Variants in SLC12A7 observed in about 807,000 individuals in gnomAD.
SLC12A7 encodes solute carrier family 12 member 7.
SLC12A7 carries 100 observed loss-of-function variants against 120.6 expected under a neutral mutation model. The observed-to-expected ratio is 0.83, with a 90% CI of 0.71 to 0.98. SLC12A7 has a LOEUF of 0.98. Among genes scored for constraint, SLC12A7 ranks in the 50% least tolerant of loss-of-function variants. The pLI is 0.00. For missense variants in SLC12A7, 1,373 were observed against 1,548.1 expected (o/e 0.89, Z 1.90); for synonymous variants, 760 against 678.0 (o/e 1.12, Z -1.88).
At chr5:1,118,941 C>T in the SLC12A7 span, among the ~76,000 whole-genome samples, 1 of 152,160 alleles carries the variant, frequency 6.6e-6, no homozygotes, top group Non-Finnish European at 1.5e-5. Flanking sequence ...GGGAGGGGCT[C>T]ACAACCCACA....
the SLC12A7 span, among the ~76,000 whole-genome samples, chr5:1,148,865 T>G: frequency 6.6e-5 from 10 of 152,232 alleles, no homozygotes; most frequent in Non-Finnish European, 1.3e-4. Flanking sequence ...CCTTAAAGTT[T>G]CAGTTTGATG....
chr5:1,112,585 G>A (rs1426850505), upstream of SLC12A7, among the ~76,000 whole-genome samples: 2 of 5,174 alleles, frequency 3.9e-4, no homozygotes, highest in Admixed American at 2.4e-3. Flanking sequence ...GCCCCCTCCC[G>A]CACCCCCTCC....
Position 1,074,657 on chromosome 5 carries a change from C to T in SLC12A7, c.1982G>A (p.Trp661Ter). ...YIEYRGAEKEWGDGIRGLSLN... is the reference protein window; with the variant it reads ...YIEYRGAEKE ...GGATAGGCCACGGATGCCATCGCCC[C>T]ACTCCTTCTCGGCCCTGTGGGAAAG... The change falls in exon 16 of 24, where the codon TGG (tryptophan) becomes TAG (stop). Residue 661 changes from tryptophan (W) to a stop codon, truncating the protein, a stop_gained. Coordinates refer to ENST00000264930, the MANE Select transcript of SLC12A7 (RefSeq NM_006598.3). LOFTEE classifies it high-confidence loss of function. 5 of 1,612,700 alleles carry T rather than the reference C, an allele frequency of 3.1e-6. No individual in the cohort carries two copies. Among genetic ancestry groups the T allele is most frequent in the Non-Finnish European group, 3.4e-6 (4 of 1,179,892 alleles).
chr5:1,061,428 T>C (rs1248631956), intron 20 of SLC12A7, among the ~76,000 whole-genome samples: 1 of 66,404 alleles, frequency 1.5e-5, no homozygotes, highest in African/African-American at 4.5e-5. Flanking sequence ...GACCCCTGCG[T>C]CTCACCCACC....
At chr5:1,139,746 GCCCC>G in the SLC12A7 span, among the ~76,000 whole-genome samples, 7 of 152,328 alleles carry the variant, frequency 4.6e-5, no homozygotes, top group Admixed American at 1.3e-4. Flanking sequence ...CTCCCGGCAG[GCCCC>G]GTGTCTTTGG....
At chr5:1,075,592 G>T in intron 14 of SLC12A7, 102 bp from the exon 15 acceptor site, 1 of 1,454,102 alleles carries the variant, frequency 6.9e-7, no homozygotes, top group Non-Finnish European at 9.2e-7. Context: ...AAAACTCTCT[G>T]TTAACACTAG....
At chr5:1,132,670 A>G in the SLC12A7 span, among the ~76,000 whole-genome samples, 3 of 152,006 alleles carry the variant, frequency 2.0e-5, no homozygotes, top group Non-Finnish European at 2.9e-5. Flanking sequence ...CAGCTTCCTG[A>G]GATCATCCTA....
intron 1 of SLC12A7, among the ~76,000 whole-genome samples, chr5:1,109,795 T>C (rs1481592524): frequency 6.6e-6 from 1 of 152,190 alleles, no homozygotes; most frequent in Non-Finnish European, 1.5e-5. Context: ...CCCCCAAACT[T>C]GCTTCGCCGT....
chr5:1,119,638 G>C, the SLC12A7 span, among the ~76,000 whole-genome samples: 1 of 152,234 alleles, frequency 6.6e-6, no homozygotes, highest in Non-Finnish European at 1.5e-5. Flanking sequence ...AACGGACTTT[G>C]AGCCACCTTC....
At chr5:1,120,747 G>T in the SLC12A7 span, among the ~76,000 whole-genome samples, 5 of 152,182 alleles carry the variant, frequency 3.3e-5, no homozygotes, top group Non-Finnish European at 5.9e-5. Flanking sequence ...ACACGCCAGG[G>T]ATGATCTCGC....
rs58936983 is a variant in SLC12A7 at position 1,069,029 on chromosome 5, C to A, written c.2242-3551G>T. ...GAAAGGGACATATGGGGACCAGGAC[C>A]GTGAACATCCCCCCGAAAACCACGA... On this transcript the variant is annotated intron_variant, in intron 17 of 23. Transcript: ENST00000264930. Among the ~76,000 whole-genome samples the A allele has an allele frequency of 7.8e-3, 1,192 of 152,288 alleles. 17 individuals carry two copies. The highest frequency in any genetic ancestry group is 0.027 in the African/African-American group (1,114 of 41,572).
chr5:1,120,076 G>T, the SLC12A7 span, among the ~76,000 whole-genome samples: 1 of 152,232 alleles, frequency 6.6e-6, no homozygotes, highest in Admixed American at 6.5e-5. Context: ...GAGTGCAGTG[G>T]ATCCCCCTGG....
At chr5:1,065,255 A>G in intron 18 of SLC12A7, 28 bp downstream of exon 18, 1 of 1,515,234 alleles carries the variant, frequency 6.6e-7, no homozygotes, top group Non-Finnish European at 8.9e-7. Flanking sequence ...CGGTGAGGGG[A>G]TGCCGAAGGG....
At chr5:1,097,507 ACATAACGATGTAAC>A (rs898459269) in intron 1 of SLC12A7, among the ~76,000 whole-genome samples, 1 of 152,148 alleles carries the variant, frequency 6.6e-6, no homozygotes, top group Non-Finnish European at 1.5e-5. Context: ...AACTTAGAAA[ACATAACGATGTAAC>A]CACCACAGGG....
intron 22 of SLC12A7, among the ~76,000 whole-genome samples, chr5:1,053,932 G>C (rs1735323612): frequency 6.6e-6 from 1 of 152,202 alleles, no homozygotes; most frequent in Admixed American, 6.5e-5. Flanking sequence ...GCCAAACACA[G>C]ACCCGTCAGG....
At chr5:1,149,944 C>T in the SLC12A7 span, among the ~76,000 whole-genome samples, 46 of 152,094 alleles carry the variant, frequency 3.0e-4, no homozygotes, top group African/African-American at 1.1e-3. Context: ...GCAGGAGAAT[C>T]GCTTGAATCT....
At chr5:1,077,478 A>C (rs1738491880) in intron 12 of SLC12A7, among the ~76,000 whole-genome samples, 1 of 152,178 alleles carries the variant, frequency 6.6e-6, no homozygotes, top group Non-Finnish European at 1.5e-5. Flanking sequence ...GCCACCTCCC[A>C]CGGGCTGAAG....
chr5:1,100,529 C>G (rs1741910149), intron 1 of SLC12A7, among the ~76,000 whole-genome samples: 1 of 152,246 alleles, frequency 6.6e-6, no homozygotes, highest in Non-Finnish European at 1.5e-5. Flanking sequence ...CCAAACGAGG[C>G]TCCAGAAGCC....
chr5:1,104,957 C>T (rs954274023), intron 1 of SLC12A7, among the ~76,000 whole-genome samples: 2 of 151,446 alleles, frequency 1.3e-5, no homozygotes, highest in African/African-American at 4.9e-5. Flanking sequence ...AGTCACCCAC[C>T]AGCCAAAAGG....
Sources: gnomAD v4.1 joint callset for allele counts (sites outside exome capture counted in the v4.1 genomes callset) on GRCh38, gnomAD v4.1.1 for gene constraint, MANE v1.5 for transcripts, NCBI Gene and HGNC (gene_info 2026-07-23, HGNC 2026-07-21) for gene names.